Variants in AHNAK observed in about 807,000 individuals in gnomAD.
AHNAK encodes the protein AHNAK nucleoprotein.
In AHNAK, 23 loss-of-function variants were observed where a neutral mutation model predicts 37.8. The observed-to-expected ratio is 0.61, with a 90% CI of 0.44 to 0.86. The LOEUF (loss-of-function observed/expected upper bound fraction) is 0.86. Ranked by LOEUF, AHNAK falls within the 40% of genes least tolerant of loss-of-function variation. The pLI is 0.00. For missense variants in AHNAK, 7,411 were observed against 7,319.4 expected, an observed-to-expected ratio of 1.01 and a Z score of -0.46; for synonymous variants, 2,481 against 2,636.3, an observed-to-expected ratio of 0.94 and a Z score of 1.80.
Position 62,479,369 on chromosome 11 carries a change from G to A in AHNAK, c.442+12363C>T, listed in dbSNP as rs566346844. Among the ~76,000 whole-genome samples the A allele has an allele frequency of 4.6e-5, 7 of 151,546 alleles. No individual in the cohort carries two copies. In the South Asian group the frequency reaches 1.5e-3, roughly 32 times the overall value. On this transcript the variant is annotated intron_variant, in intron 5 of 5. Coordinates refer to the AHNAK transcript ENST00000257247. ...TTTAATGGAGACAGGGTTTCTCCAC[G>A]TTGGTCAGGCTGATCTCGAACTCCT...
chr11:62,478,041 A>G (rs1939186709), intron 5 of AHNAK, among the ~76,000 whole-genome samples: 1 of 152,142 alleles, frequency 6.6e-6, no homozygotes, highest in Admixed American at 6.6e-5. Flanking sequence ...AAGGGAAGTC[A>G]GGTGGACTCA....
intron 4 of AHNAK, among the ~76,000 whole-genome samples, chr11:62,506,800 G>T (rs1399574289): frequency 6.6e-6 from 1 of 152,012 alleles, no homozygotes; most frequent in Non-Finnish European, 1.5e-5. Context: ...AGGACCCAGG[G>T]TGGCCCGGGG....
At position 62,527,691 on chromosome 11, in the gene AHNAK, C is replaced by G. The variant is rs556401870; in HGVS notation, c.6726G>C (p.Lys2242Asn). 1 of 1,614,024 alleles carries G rather than the reference C, an allele frequency of 6.2e-7. No homozygotes were observed. Among genetic ancestry groups the G allele is most frequent in the South Asian group, 1.1e-5 (1 of 91,064 alleles). ...ACTTGGGCATTTTCATCTTAGGCAT[C>G]TTCAGGTGCCAGTCTGGGCCATGAA... The part of the protein sequence containing the change: ...VDVHGPDWHL[K>N]MPKMKMPKFS... The change falls in exon 5 of 5, where the codon AAG becomes AAC. Residue 2242 changes from lysine (K) to asparagine (N), a missense_variant. Physicochemically the swap from Lys to Asn is moderately conservative, Grantham distance 94. Transcript: ENST00000378024.
rs2134229608 is a variant in AHNAK at position 62,528,719 on chromosome 11, A to C, written c.5698T>G (p.Cys1900Gly). ...GGGCCTTTCAACTTTGCATCAGGAC[A>C]CTCCAGCTCAACATCAGGCACCTCC... ...GVEVPDVELE[C>G]PDAKLKGPKF... Residue 1900 changes from cysteine (C) to glycine (G), a missense_variant, in exon 5 of 5, where the codon TGT (cysteine) becomes GGT (glycine). Physicochemically the swap from Cys to Gly is radical, Grantham distance 159 (BLOSUM62 -3). Coordinates refer to ENST00000378024, the MANE Select transcript of AHNAK (RefSeq NM_001620.3). The C allele has an allele frequency of 6.2e-7, 1 of 1,607,514 alleles. No individual in the cohort carries two copies. The highest frequency in any genetic ancestry group is 1.1e-5 in the South Asian group (1 of 90,846).
rs143940604 is a variant in AHNAK at position 62,525,573 on chromosome 11, C to T, written c.8844G>A (p.Gly2948=). 36 of 1,612,526 alleles carry T rather than the reference C, an allele frequency of 2.2e-5. No homozygotes were observed. In the African/African-American group the frequency reaches 4.7e-4, roughly 21 times the overall value. ...TCATCTCTGGCATCTTGAACTTGGG[C>T]CCTTTCAACTTTCCCTCTGGTCCTT... is the stretch of plus-strand genomic sequence containing the variant. ...NIEGPEGKLK[G]PKFKMPEMNI... Residue 2948 remains glycine, a synonymous_variant, in exon 5 of 5, where the codon GGG becomes GGA. Coordinates refer to ENST00000378024, the MANE Select transcript of AHNAK (RefSeq NM_001620.3).
intron 4 of AHNAK, among the ~76,000 whole-genome samples, chr11:62,495,214 C>A (rs1370138999): frequency 6.6e-6 from 1 of 151,980 alleles, no homozygotes; most frequent in Non-Finnish European, 1.5e-5. Context: ...GATTTGAATC[C>A]AAACTACCTG....
chr11:62,437,571 C>T (rs1406131637), intron 5 of AHNAK, among the ~76,000 whole-genome samples: 1 of 152,154 alleles, frequency 6.6e-6, no homozygotes, highest in Non-Finnish European at 1.5e-5. Context: ...ATTGGCAAGG[C>T]TGGTCTCGAA....
chr11:62,482,626 C>T (rs961680701), intron 5 of AHNAK, among the ~76,000 whole-genome samples: 1 of 152,122 alleles, frequency 6.6e-6, no homozygotes, highest in African/African-American at 2.4e-5. Flanking sequence ...AGCATTTACG[C>T]CATGCCCGAC....
At chr11:62,434,163 G>C (rs1005780121) in intron 5 of AHNAK, among the ~76,000 whole-genome samples, 1 of 152,020 alleles carries the variant, frequency 6.6e-6, no homozygotes, top group Admixed American at 6.6e-5. Context: ...CTGTCCTTTT[G>C]GTGCCCCCCA....
chr11:62,530,070 C>T lies in AHNAK; in HGVS notation c.4347G>A (p.Gln1449=). 6.2e-7 allele frequency: 1 copy of T among 1,613,932 alleles called. No homozygotes were observed. Among genetic ancestry groups the T allele is most frequent in the Non-Finnish European group, 8.5e-7 (1 of 1,179,928 alleles). ...FKMPEMSIKP[Q]KISIPDVGLH... ...AACCAACATCTGGTATGGATATCTT[C>T]TGAGGCTTTATACTCATTTCTGGCA... The change falls in exon 5 of 5, where the codon CAG becomes CAA. Residue 1449 remains glutamine (Q), a synonymous_variant. Coordinates refer to ENST00000378024, the MANE Select transcript of AHNAK (RefSeq NM_001620.3).
rs375691212 is a variant in AHNAK, at chr11:62,521,973, G to A, written c.12444C>T (p.Asp4148=). The stretch of plus-strand genomic sequence containing the variant: ...CGCCTTCCACTTTGGGCAGAGAAAC[G>A]TCCACGTCGCCCTTCATCTTTGGAC... ...LKGPKMKGDV[D]VSLPKVEGDL... is the part of the protein sequence containing the mutation. The change falls in exon 5 of 5, where the codon GAC becomes GAT. Residue 4148 remains aspartate, a synonymous_variant. Coordinates refer to ENST00000378024, the MANE Select transcript of AHNAK (RefSeq NM_001620.3). 34 of 1,611,736 alleles carry A rather than the reference G, an allele frequency of 2.1e-5. No individual in the cohort carries two copies. Among genetic ancestry groups the A allele is most frequent in the Non-Finnish European group, 2.5e-5 (30 of 1,179,388 alleles).
rs527377086 is a variant in AHNAK at position 62,532,182 on chromosome 11, C to A, written c.2235G>T (p.Trp745Cys). The A allele has an allele frequency of 1.7e-5, 27 of 1,614,162 alleles. No homozygotes were observed. The highest frequency in any genetic ancestry group is 2.3e-5 in the Non-Finnish European group (27 of 1,180,026). ...TTTTCATCTTGGGCATCTTCAAGTG[C>A]CAGTCTGGGCCATGAACATCCACAT... ...APDVDVHGPD[W>C]HLKMPKMKMP... Residue 745 changes from tryptophan to cysteine, a missense_variant, in exon 5 of 5, where the codon TGG becomes TGT. Coordinates refer to ENST00000378024, the MANE Select transcript of AHNAK (RefSeq NM_001620.3).
At chr11:62,503,428 G>A (rs1289402375) in intron 4 of AHNAK, among the ~76,000 whole-genome samples, 1 of 151,638 alleles carries the variant, frequency 6.6e-6, no homozygotes, top group Non-Finnish European at 1.5e-5. Flanking sequence ...TCTACTAAAA[G>A]AAAAATTAGC....
chr11:62,473,653 C>A (rs1644458398), intron 5 of AHNAK, among the ~76,000 whole-genome samples: 1 of 149,786 alleles, frequency 6.7e-6, no homozygotes, highest in African/African-American at 2.5e-5. Flanking sequence ...TCACTGCACT[C>A]CAGCCTGGGC....
In AHNAK at chr11:62,528,958, G is replaced by A. The variant is rs1266859437; in HGVS notation, c.5459C>T (p.Pro1820Leu). Reference protein sequence around the residue: ...LRGPQVDVKGPFVEAEVPDVD... With the variant: ...LRGPQVDVKGLFVEAEVPDVD... ...ATCGGGCACCTCCGCTTCCACAAAA[G>A]GACCTTTGACATCAACTTGCGGCCC... The change falls in exon 5 of 5, where the codon CCT becomes CTT. Residue 1820 changes from proline (P) to leucine (L), a missense_variant. Coordinates refer to ENST00000378024, the MANE Select transcript of AHNAK (RefSeq NM_001620.3). 1 of 1,614,128 alleles carries A rather than the reference G, an allele frequency of 6.2e-7. No individual in the cohort carries two copies. Among genetic ancestry groups the A allele is most frequent in the South Asian group, 1.1e-5 (1 of 91,076 alleles).
At chr11:62,441,861 G>A (rs1056259702) in intron 5 of AHNAK, among the ~76,000 whole-genome samples, 6 of 151,996 alleles carry the variant, frequency 3.9e-5, no homozygotes, top group African/African-American at 7.3e-5. Context: ...CACCCTCACC[G>A]AGCCCTCTGA....
rs1565233182 is a variant in AHNAK at position 62,524,938 on chromosome 11, A to C, written c.9479T>G (p.Met3160Arg). ...MPKIKMPKISMPGFKGEGPEV... is the reference protein window; with the variant it reads ...MPKIKMPKISRPGFKGEGPEV... The stretch of plus-strand genomic sequence containing the variant: ...TGGACCTTCTCCTTTGAAGCCAGGC[A>C]TGCTGATCTTGGGCATTTTTATTTT... The change falls in exon 5 of 5, where the codon ATG becomes AGG. Residue 3160 changes from methionine (M) to arginine (R), a missense_variant. Coordinates refer to ENST00000378024, the MANE Select transcript of AHNAK (RefSeq NM_001620.3). The C allele has an allele frequency of 6.2e-7, 1 of 1,613,950 alleles. No individual in the cohort carries two copies. Among genetic ancestry groups the C allele is most frequent in the East Asian group, 2.2e-5 (1 of 44,868 alleles).
At position 62,525,560 on chromosome 11, in the gene AHNAK, T is replaced by A. The variant is rs1271213824; in HGVS notation, c.8857A>T (p.Met2953Leu). The change falls in exon 5 of 5, where the codon ATG (methionine) becomes TTG (leucine). Residue 2953 changes from methionine (M) to leucine (L), a missense_variant. Coordinates refer to ENST00000378024, the MANE Select transcript of AHNAK (RefSeq NM_001620.3). ...EGKLKGPKFK[M>L]PEMNIKAPKI... ...GGGGCTTTGATATTCATCTCTGGCA[T>A]CTTGAACTTGGGCCCTTTCAACTTT... The A allele has an allele frequency of 9.3e-6, 15 of 1,614,068 alleles. No homozygotes were observed. Among genetic ancestry groups the A allele is most frequent in the Non-Finnish European group, 1.3e-5 (15 of 1,180,016 alleles).
In AHNAK at chr11:62,522,114, A is replaced by C; in HGVS notation, c.12303T>G (p.Pro4101=). 1 of 1,613,160 alleles carries C rather than the reference A, an allele frequency of 6.2e-7. No individual in the cohort carries two copies. The highest frequency in any genetic ancestry group is 1.1e-5 in the South Asian group (1 of 91,012). The change falls in exon 5 of 5, where the codon CCT becomes CCG. Residue 4101 remains proline, a synonymous_variant. Transcript: ENST00000378024. The stretch of plus-strand genomic sequence containing the variant: ...CTTCTGGACCATGAATATCAATATC[A>C]GGAGTGTCAATGTCCACTTTGGGTC... The part of the protein sequence containing the change: ...VSGPKVDIDT[P]DIDIHGPEGK...
Sources: allele counts gnomAD v4.1 joint callset (sites outside exome capture counted in the v4.1 genomes callset), GRCh38; gene constraint gnomAD v4.1.1; transcripts MANE v1.5; gene names NCBI Gene and HGNC (gene_info 2026-07-23, HGNC 2026-07-21).